OSBPL8: variants seen among roughly 807,000 people sequenced by gnomAD.
OSBPL8 encodes oxysterol binding protein like 8.
OSBPL8 carries 59 observed loss-of-function variants against 125.5 expected under a neutral mutation model. The observed-to-expected ratio is 0.47, with a 90% CI of 0.38 to 0.58. OSBPL8 has a LOEUF of 0.58. OSBPL8 is among the 20% of genes least tolerant of loss of function. The pLI, the probability that OSBPL8 is intolerant of heterozygous loss-of-function variation, is 0.00. For synonymous variants in OSBPL8, 330 were observed against 338.9 expected, an observed-to-expected ratio of 0.97 and a Z score of 0.29; for missense variants, 758 against 1,047.8, an observed-to-expected ratio of 0.72 and a Z score of 3.82.
In OSBPL8 at chr12:76,386,612, T is replaced by C; in HGVS notation, c.1401A>G (p.Lys467=). 1.2e-6 allele frequency: 2 copies of C among 1,608,904 alleles called. No individual in the cohort carries two copies. The highest frequency in any genetic ancestry group is 2.2e-5 in the East Asian group (1 of 44,676). ...TTTTATAGAATCCTGACAAATACCA[T>C]TTCACTACTTTCTTCAAACGGAAAT... The part of the protein sequence containing the change: ...NPYFRLKKVV[K]WYLSGFYKKP... Residue 467 remains lysine (K), a synonymous_variant, in exon 13 of 24, where the codon AAA becomes AAG. Transcript: ENST00000261183.
intron 2 of OSBPL8, among the ~76,000 whole-genome samples, chr12:76,461,355 C>A (rs906309307): frequency 6.6e-5 from 10 of 152,138 alleles, no homozygotes; most frequent in Non-Finnish European, 1.0e-4. Context: ...TGTAGAGAGG[C>A]CCACTAGGTG....
intron 12 of OSBPL8, 53 bp downstream of exon 12, chr12:76,389,592 A>G: frequency 2.3e-6 from 3 of 1,327,478 alleles, no homozygotes; most frequent in Non-Finnish European, 3.0e-6. Flanking sequence ...CATTCTTGAG[A>G]ATTTCTAAAA....
chr12:76,546,445 A>C (rs57532188), intron 1 of OSBPL8, among the ~76,000 whole-genome samples: 1 of 152,100 alleles, frequency 6.6e-6, no homozygotes, highest in African/African-American at 2.4e-5. Flanking sequence ...TTTCCCAAAT[A>C]ATCAAATATT....
At chr12:76,420,900 T>C (rs1220300512) in intron 4 of OSBPL8, among the ~76,000 whole-genome samples, 2 of 152,056 alleles carry the variant, frequency 1.3e-5, no homozygotes, top group African/African-American at 2.4e-5. Context: ...GAATCATTCC[T>C]ATGAATATGA....
chr12:76,538,249 T>G (rs543225415), intron 1 of OSBPL8, among the ~76,000 whole-genome samples: 1 of 152,330 alleles, frequency 6.6e-6, no homozygotes, highest in South Asian at 2.1e-4. Context: ...ATGTGTTATA[T>G]TGCTCAGAAT....
chr12:76,511,283 T>C (rs1010510168), intron 1 of OSBPL8, among the ~76,000 whole-genome samples: 4 of 152,206 alleles, frequency 2.6e-5, no homozygotes, highest in African/African-American at 4.8e-5. Flanking sequence ...CTGGGTCAAA[T>C]AGTAGTTCTG....
rs555777946 is a variant in OSBPL8, at chr12:76,436,189, C to G, written c.217+14662G>C. On this transcript the variant is annotated intron_variant, in intron 4 of 23. Coordinates refer to ENST00000261183, the MANE Select transcript of OSBPL8 (RefSeq NM_020841.5). ...CCAATGCTTGCATCTTTTTACTTAC[C>G]CACCAGAGACTCTATCCAACCTTAT... Among the ~76,000 whole-genome samples, 25 of 152,128 alleles carry G rather than the reference C, an allele frequency of 1.6e-4. No individual in the cohort carries two copies. The Middle Eastern group carries it at 0.01, about 63-fold the overall frequency.
intron 18 of OSBPL8, 132 bp downstream of exon 18, chr12:76,373,212 C>A: frequency 1.9e-6 from 1 of 537,378 alleles, no homozygotes; most frequent in Non-Finnish European, 3.2e-6. Flanking sequence ...ACCAAAATAT[C>A]TGCTATTAAG....
Position 76,369,153 on chromosome 12 carries a change from T to TATAG in OSBPL8, c.2328+57_2328+60dup, listed in dbSNP as rs1183567218. On this transcript the variant is annotated intron_variant, in intron 21 of 23. Coordinates refer to ENST00000261183, the MANE Select transcript of OSBPL8 (RefSeq NM_020841.5). Reference sequence around the variant, plus strand: ...TTGAAACCAAATTTTAGTTGGTTGCTATAGATACTAAAGATTTAACAGATT... The same window carrying TATAG: ...TTGAAACCAAATTTTAGTTGGTTGCTATAGATAGATACTAAAGATTTAACAGATT... 23 of 1,565,628 alleles carry TATAG rather than the reference T, an allele frequency of 1.5e-5. No homozygotes were observed. In the South Asian group the frequency reaches 2.3e-4, roughly 16 times the overall value.
intron 4 of OSBPL8, among the ~76,000 whole-genome samples, chr12:76,440,643 AT>A (rs1178447846): frequency 1.3e-5 from 2 of 152,078 alleles, no homozygotes; most frequent in African/African-American, 4.8e-5. Flanking sequence ...TCCTCCCATC[AT>A]TTCACCTAGA....
intron 1 of OSBPL8, among the ~76,000 whole-genome samples, chr12:76,523,146 A>G (rs1415176352): frequency 1.3e-5 from 2 of 152,200 alleles, no homozygotes; most frequent in Non-Finnish European, 2.9e-5. Flanking sequence ...CCAGGTTCCT[A>G]TCTAGAGTTT....
At chr12:76,549,899 C>A (rs940247133) in intron 1 of OSBPL8, among the ~76,000 whole-genome samples, 1 of 149,714 alleles carries the variant, frequency 6.7e-6, no homozygotes, top group South Asian at 2.1e-4. Context: ...AGATGTACTC[C>A]AATAAACAGA....
At chr12:76,437,018 T>C (rs1271842690) in intron 4 of OSBPL8, among the ~76,000 whole-genome samples, 1 of 152,204 alleles carries the variant, frequency 6.6e-6, no homozygotes, top group East Asian at 1.9e-4. Flanking sequence ...ATTCATTTCA[T>C]TATTGTATGG....
At chr12:76,442,908 A>G (rs971879929) in intron 4 of OSBPL8, among the ~76,000 whole-genome samples, 2 of 152,204 alleles carry the variant, frequency 1.3e-5, no homozygotes, top group African/African-American at 4.8e-5. Context: ...TCTTCACATC[A>G]GTAAATTGTA....
chr12:76,517,115 A>G (rs974633510), intron 1 of OSBPL8, among the ~76,000 whole-genome samples: 8 of 152,088 alleles, frequency 5.3e-5, no homozygotes, highest in African/African-American at 1.7e-4. Flanking sequence ...CGCCGGCCCA[A>G]TGTTCCATTT....
intron 2 of OSBPL8, among the ~76,000 whole-genome samples, chr12:76,460,988 TA>T (rs893747464): frequency 6.6e-6 from 1 of 152,252 alleles, no homozygotes; most frequent in African/African-American, 2.4e-5. Context: ...GATGGCTTTT[TA>T]CAATACTTGA....
At chr12:76,530,220 CTTTTTTTTT>C (rs59016280) in intron 1 of OSBPL8, among the ~76,000 whole-genome samples, 3 of 107,224 alleles carry the variant, frequency 2.8e-5, no homozygotes, top group Non-Finnish European at 5.4e-5. Context: ...CCGGGCCTGG[CTTTTTTTTT>C]TTTTTTTTTT....
intron 19 of OSBPL8, among the ~76,000 whole-genome samples, chr12:76,370,468 T>A (rs1185870022): frequency 6.6e-6 from 1 of 152,182 alleles, no homozygotes; most frequent in East Asian, 1.9e-4. Flanking sequence ...AAAGGCAGCA[T>A]GTTAAAACCA....
chr12:76,457,242 T>C (rs1432990229), intron 3 of OSBPL8, among the ~76,000 whole-genome samples: 2 of 152,232 alleles, frequency 1.3e-5, no homozygotes, highest in Non-Finnish European at 2.9e-5. Flanking sequence ...CGGTATGTAC[T>C]AGTTAATGTT....
Sources: gnomAD v4.1 joint callset for allele counts (sites outside exome capture counted in the v4.1 genomes callset) on GRCh38, gnomAD v4.1.1 for gene constraint, MANE v1.5 for transcripts, NCBI Gene and HGNC (gene_info 2026-07-23, HGNC 2026-07-21) for gene names.